PADI6: variants seen among roughly 807,000 people sequenced by gnomAD.
The protein encoded by PADI6 is peptidyl arginine deiminase 6.
In PADI6, 66 loss-of-function variants were observed where a neutral mutation model predicts 78.2. The observed-to-expected ratio is 0.84, with a 90% CI of 0.69 to 1.04. The LOEUF is 1.04. Ranked by LOEUF, PADI6 falls within the 50% of genes least tolerant of loss-of-function variation. The probability of loss-of-function intolerance (pLI) is 0.00; values close to 1 mark genes in which losing one functional copy is unlikely to be tolerated. For missense variants in PADI6, 854 were observed against 866.1 expected (o/e 0.99, Z 0.18); for synonymous variants, 397 against 346.9 (o/e 1.14, Z -1.60).
At chr1:17,375,558 G>C in intron 3 of PADI6, 59 bp downstream of exon 3, 1 of 1,480,774 alleles carries the variant, frequency 6.8e-7, no homozygotes, top group Non-Finnish European at 9.2e-7. Context: ...TTGGGGAAGG[G>C]GTGGGATTGT....
intron 8 of PADI6, among the ~76,000 whole-genome samples, chr1:17,391,676 G>A (rs1376079416): frequency 6.6e-6 from 1 of 152,216 alleles, no homozygotes; most frequent in Non-Finnish European, 1.5e-5. Context: ...TGACAACCAT[G>A]CATGGTGGCA....
intron 3 of PADI6, among the ~76,000 whole-genome samples, chr1:17,376,876 TTTGTTTTGTC>T (rs199511610): frequency 0.12 from 18,818 of 152,102 alleles, 1,439 homozygotes; most frequent in East Asian, 0.27. Context: ...TTTGTTTTGT[TTTGTTTTGTC>T]TTGTTTTTTG....
rs1472500417 is a variant in PADI6 at position 17,398,673 on chromosome 1, C to T, written c.1690-13C>T. ...TCCCCCGCCCCCCCCCCCACCCACC[C>T]ACCCACCCACAGAAGTGCATTCACC... On this transcript the variant is annotated splice_polypyrimidine_tract_variant and intron_variant, in intron 14 of 15. Transcript: ENST00000619609. The T allele has an allele frequency of 6.7e-6, 2 of 300,036 alleles. No homozygotes were observed. Among genetic ancestry groups the T allele is most frequent in the Non-Finnish European group, 5.9e-6 (1 of 169,390 alleles). The allele number at this position is 300,036 out of a possible 1,614,324, so 18.6% of individuals were successfully genotyped here.
chr1:17,398,287 C>T (rs1464987546), intron 14 of PADI6, among the ~76,000 whole-genome samples: 4 of 152,140 alleles, frequency 2.6e-5, no homozygotes, highest in African/African-American at 4.8e-5. Context: ...CAGCCCCTGG[C>T]GACAGCTTAG....
chr1:17,398,128 T>A (rs924662991), intron 14 of PADI6, among the ~76,000 whole-genome samples: 1 of 152,252 alleles, frequency 6.6e-6, no homozygotes, highest in Middle Eastern at 3.4e-3. Flanking sequence ...CAAAACTGCT[T>A]CTCTCACTGG....
At position 17,381,178 on chromosome 1, in the gene PADI6, C is replaced by T. The variant is rs757275579; in HGVS notation, c.553+14C>T. ...TCTTTTCAGAGGGTAGGACCTCAGACTGTCTCTGCCTTTCCTTCTTGGTCT... is the reference window on the plus strand; with the variant it reads ...TCTTTTCAGAGGGTAGGACCTCAGATTGTCTCTGCCTTTCCTTCTTGGTCT... On this transcript the variant is annotated intron_variant, in intron 5 of 15. Coordinates refer to ENST00000619609, the MANE Select transcript of PADI6 (RefSeq NM_207421.4). 1.9e-5 allele frequency: 30 copies of T among 1,562,910 alleles called. No individual in the cohort carries two copies. The highest frequency in any genetic ancestry group is 3.5e-5 in the South Asian group (3 of 85,034).
rs965276764 is a variant in PADI6 at position 17,389,151 on chromosome 1, A to G, written c.962+271A>G. On this transcript the variant is annotated intron_variant, in intron 8 of 15. Transcript: ENST00000619609. Reference sequence around the variant, plus strand: ...TAAACAGTACCAAGTGCTCTAAAGCAGGGTGAAGATGGAGAGGTCAGGATG... The same window carrying G: ...TAAACAGTACCAAGTGCTCTAAAGCGGGGTGAAGATGGAGAGGTCAGGATG... Among the ~76,000 whole-genome samples, 3 of 152,328 alleles carry G rather than the reference A, an allele frequency of 2.0e-5. No homozygotes were observed. In the South Asian group the frequency reaches 6.2e-4, roughly 32 times the overall value.
At chr1:17,382,152 C>T in intron 6 of PADI6, 60 bp downstream of exon 6, 1 of 1,585,582 alleles carries the variant, frequency 6.3e-7, no homozygotes, top group Admixed American at 1.8e-5. Context: ...GCAAGTTGTG[C>T]CCACACCTCC....
intron 3 of PADI6, among the ~76,000 whole-genome samples, chr1:17,377,003 G>C (rs1249195414): frequency 2.6e-5 from 4 of 152,116 alleles, no homozygotes; most frequent in African/African-American, 7.2e-5. Context: ...CTCTCCAGTA[G>C]CTTGGACCAT....
intron 3 of PADI6, among the ~76,000 whole-genome samples, chr1:17,378,998 G>A (rs1054508250): frequency 4.6e-5 from 7 of 151,762 alleles, no homozygotes; most frequent in African/African-American, 1.5e-4. Context: ...AGGCTAGAGT[G>A]CAGTGGTCTG....
chr1:17,388,281 C>T, intron 6 of PADI6, 100 bp from the exon 7 acceptor site: 1 of 1,144,660 alleles, frequency 8.7e-7, no homozygotes. Context: ...GAACTCACAG[C>T]CTTGCATCTG....
At chr1:17,373,462 C>A (rs928140779) in intron 2 of PADI6, among the ~76,000 whole-genome samples, 2 of 152,004 alleles carry the variant, frequency 1.3e-5, no homozygotes, top group African/African-American at 4.8e-5. Flanking sequence ...CAGCAACCAG[C>A]AGGACTGGGA....
Position 17,398,794 on chromosome 1 carries a change from C to T in PADI6, c.1798C>T (p.Pro600Ser). ...CTGCTTGGAGAAGCTGACTAACATC[C>T]CCTCTGACCAGCAGCCCAAGAGGTC... ...LFCLEKLTNI[P>S]SDQQPKRSFA... The change falls in exon 15 of 16, where the codon CCC (proline) becomes TCC (serine). Residue 600 changes from proline (P) to serine (S), a missense_variant. By Grantham distance (74) the Pro-to-Ser change is moderately conservative (BLOSUM62 -1). Transcript: ENST00000619609. 1 of 1,613,346 alleles carries T rather than the reference C, an allele frequency of 6.2e-7. No homozygotes were observed. Among genetic ancestry groups the T allele is most frequent in the Non-Finnish European group, 8.5e-7 (1 of 1,179,784 alleles).
intron 4 of PADI6, 92 bp from the exon 5 acceptor site, chr1:17,380,955 G>A: frequency 9.4e-7 from 1 of 1,062,034 alleles, no homozygotes; most frequent in Non-Finnish European, 1.4e-6. Flanking sequence ...CTGGAGAAAG[G>A]CTTGGCTGGG....
chr1:17,388,532 GTCCC>G lies in PADI6; in HGVS notation c.833_836del (p.Ser278TrpfsTer54). 1 of 1,612,992 alleles carries G rather than the reference GTCCC, an allele frequency of 6.2e-7. No homozygotes were observed. The highest frequency in any genetic ancestry group is 2.2e-5 in the East Asian group (1 of 44,880). On this transcript the variant is annotated frameshift_variant, in exon 7 of 16. Coordinates refer to ENST00000619609, the MANE Select transcript of PADI6 (RefSeq NM_207421.4). LOFTEE classifies it high-confidence loss of function. ...TCTCAGGCCTCATCTCCTACTCTGTGTCCCTGGTGGAGGAGTCTCAAGACCCGGT... is the reference window on the plus strand; with the variant it reads ...TCTCAGGCCTCATCTCCTACTCTGTGTGGTGGAGGAGTCTCAAGACCCGGT...
Position 17,396,838 on chromosome 1 carries a change from G to C in PADI6, c.1619-233G>C, listed in dbSNP as rs567876784. 2.6e-5 allele frequency among the ~76,000 whole-genome samples: 4 copies of C among 152,360 alleles called. No individual in the cohort carries two copies. In the East Asian group the frequency reaches 7.7e-4, roughly 29 times the overall value. ...GCTATTCCCCCTCATGCTGGGGACA[G>C]AGTGGCCAGTGGCAGTAAGTCCTGC... On this transcript the variant is annotated intron_variant, in intron 13 of 15. Transcript: ENST00000619609.
In PADI6 at chr1:17,379,112, T is replaced by A. The variant is rs947112348; in HGVS notation, c.368-808T>A. The stretch of plus-strand genomic sequence containing the variant: ...GGTACCCTCCACCATGCCCAGTTAA[T>A]TTTTTTTTTTTTTTTTTTTTAAGAC... On this transcript the variant is annotated intron_variant, in intron 3 of 15. Transcript: ENST00000619609. Among the ~76,000 whole-genome samples, 5 of 30,410 alleles carry A rather than the reference T, an allele frequency of 1.6e-4. 2 individuals are homozygous for A. The highest frequency in any genetic ancestry group is 1.4e-3 in the South Asian group (2 of 1,386). The allele number at this position is 30,410 out of a possible 152,430, so 20.0% of individuals were successfully genotyped here. A position where few individuals can be genotyped will look rare whatever the true frequency, so the allele number is the denominator to read the frequency against.
intron 6 of PADI6, among the ~76,000 whole-genome samples, chr1:17,385,056 C>T (rs2075106797): frequency 6.6e-6 from 1 of 152,020 alleles, no homozygotes; most frequent in Non-Finnish European, 1.5e-5. Context: ...GAATAGAAAG[C>T]CAGAAGACAA....
intron 2 of PADI6, among the ~76,000 whole-genome samples, chr1:17,374,870 A>T (rs1420752340): frequency 6.6e-6 from 1 of 152,052 alleles, no homozygotes; most frequent in Non-Finnish European, 1.5e-5. Context: ...CAGTGGCTGG[A>T]GGGCAGGTCT....
Sources: allele counts gnomAD v4.1 joint callset (sites outside exome capture counted in the v4.1 genomes callset), GRCh38; gene constraint gnomAD v4.1.1; transcripts MANE v1.5; gene names NCBI Gene and HGNC (gene_info 2026-07-23, HGNC 2026-07-21).